The following LASP1 variants were observed in gnomAD, a reference collection of about 807,000 sequenced individuals.
LASP1 encodes LIM and SH3 protein 1.
A neutral mutation model predicts 38.6 loss-of-function variants in LASP1; 10 were observed. The observed-to-expected ratio is 0.26, with a 90% confidence interval of 0.16 to 0.44. The LOEUF is 0.44. Among genes scored for constraint, LASP1 ranks in the 20% least tolerant of loss-of-function variants. The pLI is 1.00. For synonymous variants in LASP1, 132 were observed against 140.8 expected (o/e 0.94, Z 0.44); for missense variants, 243 against 375.7 (o/e 0.65, Z 2.92).
chr17:38,872,405 TG>T (rs1913636802), intron 1 of LASP1, among the ~76,000 whole-genome samples: 1 of 152,148 alleles, frequency 6.6e-6, no homozygotes, highest in Non-Finnish European at 1.5e-5. Context: ...GACGTTCAAG[TG>T]GGGGTTGCCC....
Position 38,919,744 on chromosome 17 carries a change from C to T in LASP1, c.*966C>T, listed in dbSNP as rs897206299. The T allele has an allele frequency of 1.4e-4, 55 of 403,622 alleles. No homozygotes were observed. Among genetic ancestry groups the T allele is most frequent in the Non-Finnish European group, 2.5e-4 (52 of 210,700 alleles). 25.0% of individuals were successfully genotyped at this position (403,622 alleles called of 1,614,324 possible). On this transcript the variant is annotated 3_prime_UTR_variant, in exon 7 of 7. Transcript: ENST00000318008. ...AAGATGTCTCAGAGCCTTCCATGACCTCCCCTCCCCAGCCCAATGCCAAGT... is the reference window on the plus strand; with the variant it reads ...AAGATGTCTCAGAGCCTTCCATGACTTCCCCTCCCCAGCCCAATGCCAAGT...
intron 6 of LASP1, among the ~76,000 whole-genome samples, chr17:38,917,241 G>C (rs1240726856): frequency 6.6e-6 from 1 of 152,146 alleles, no homozygotes; most frequent in Non-Finnish European, 1.5e-5. Flanking sequence ...AGGCAGAATT[G>C]GTGATGAGAG....
chr17:38,903,228 T>G (rs1914692593), intron 4 of LASP1, among the ~76,000 whole-genome samples: 1 of 152,184 alleles, frequency 6.6e-6, no homozygotes, highest in South Asian at 2.1e-4. Context: ...AGATCCTAGC[T>G]TCTGTCATTC....
chr17:38,906,551 TA>T (rs1261189601), intron 4 of LASP1, among the ~76,000 whole-genome samples: 1 of 150,276 alleles, frequency 6.7e-6, no homozygotes, highest in African/African-American at 2.5e-5. Context: ...AATAAATAAA[TA>T]AAGTTAAAAA....
Position 38,896,600 on chromosome 17 carries a change from G to T in LASP1, c.250-1812G>T, listed in dbSNP as rs1914498610. On this transcript the variant is annotated intron_variant, in intron 3 of 6. Transcript: ENST00000318008. ...AAAGCCAGGAAGCAGGGGACGGAGT[G>T]GGGGACTGGCACTCGTTCAGCACTT... is the stretch of plus-strand genomic sequence containing the variant. Among the ~76,000 whole-genome samples, 2 of 152,242 alleles carry T rather than the reference G, an allele frequency of 1.3e-5. 1 individual carries two copies. Among genetic ancestry groups the T allele is most frequent in the East Asian group, 3.9e-4 (2 of 5,194 alleles).
intron 1 of LASP1, among the ~76,000 whole-genome samples, chr17:38,874,656 C>T (rs1357999853): frequency 6.6e-6 from 1 of 152,202 alleles, no homozygotes; most frequent in Non-Finnish European, 1.5e-5. Flanking sequence ...CCACTTGACA[C>T]TTGTGCTTCA....
intron 2 of LASP1, among the ~76,000 whole-genome samples, chr17:38,883,433 G>A (rs1039117587): frequency 1.3e-5 from 2 of 152,116 alleles, no homozygotes; most frequent in South Asian, 2.1e-4. Flanking sequence ...GGCAAACCCC[G>A]CACTGGGGCC....
chr17:38,919,116 T>C lies in LASP1; in HGVS notation c.*338T>C, dbSNP rs1915224416. ...CTCCCCTCACATCCTCCTGCCCAGC[T>C]CCTCACATACCCACACATTCCAGGG... On this transcript the variant is annotated 3_prime_UTR_variant, in exon 7 of 7. Coordinates refer to ENST00000318008, the MANE Select transcript of LASP1 (RefSeq NM_006148.4). 3 of 376,354 alleles carry C rather than the reference T, an allele frequency of 8.0e-6. No individual in the cohort carries two copies. The South Asian group carries it at 9.9e-5, about 12-fold the overall frequency. 23.3% of individuals were successfully genotyped at this position (376,354 alleles called of 1,614,324 possible). A position where few individuals can be genotyped will look rare whatever the true frequency, so the allele number is the denominator to read the frequency against.
At chr17:38,916,768 G>C (rs1162320581) in intron 6 of LASP1, 2 of 152,000 alleles carry the variant, frequency 1.3e-5, no homozygotes, top group East Asian at 3.8e-4. Context: ...GGCTGAGGCA[G>C]GAGAATTGCT....
intron 1 of LASP1, among the ~76,000 whole-genome samples, chr17:38,872,762 G>A (rs1434671416): frequency 2.6e-5 from 4 of 152,114 alleles, no homozygotes; most frequent in South Asian, 2.1e-4. Flanking sequence ...AGCCCACTAC[G>A]TGGCCCAAAG....
intron 2 of LASP1, 46 bp from the exon 3 acceptor site, chr17:38,890,374 G>C: frequency 6.4e-7 from 1 of 1,560,558 alleles, no homozygotes; most frequent in Non-Finnish European, 8.8e-7. Context: ...AGAGGCTCCT[G>C]CCCCTCCCCC....
intron 4 of LASP1, chr17:38,898,816 G>A: frequency 2.0e-6 from 1 of 496,002 alleles, no homozygotes; most frequent in Non-Finnish European, 4.0e-6. Context: ...GATATCGTGG[G>A]TATCGGTGAA....
At chr17:38,914,268 G>A in intron 4 of LASP1, 57 bp from the exon 5 acceptor site, 1 of 1,559,126 alleles carries the variant, frequency 6.4e-7, no homozygotes. Flanking sequence ...AGGGTCACGG[G>A]AAGGAACTGG....
intron 4 of LASP1, chr17:38,903,950 G>A (rs1914711444): frequency 6.6e-6 from 1 of 152,200 alleles, no homozygotes; most frequent in East Asian, 1.9e-4. Flanking sequence ...CTGGCCTTTT[G>A]TCATGAGCTC....
chr17:38,878,787 A>G (rs1175724646), intron 2 of LASP1, among the ~76,000 whole-genome samples: 1 of 152,144 alleles, frequency 6.6e-6, no homozygotes, highest in Non-Finnish European at 1.5e-5. Context: ...TGCCTGGGCC[A>G]GATAGATCTC....
intron 2 of LASP1, 97 bp from the exon 3 acceptor site, chr17:38,890,323 T>C (rs1914271235): frequency 5.2e-6 from 6 of 1,147,376 alleles, no homozygotes; most frequent in African/African-American, 1.5e-5. Flanking sequence ...TGCCCAAGCA[T>C]AGGACGAAGT....
At chr17:38,871,207 A>G (rs569040852) in intron 1 of LASP1, among the ~76,000 whole-genome samples, 65 of 152,000 alleles carry the variant, frequency 4.3e-4, no homozygotes, top group African/African-American at 9.4e-4. Context: ...TGTCTCCCCA[A>G]TGCTGGACTT....
chr17:38,912,108 T>C (rs1054768680), intron 4 of LASP1, among the ~76,000 whole-genome samples: 7 of 152,136 alleles, frequency 4.6e-5, no homozygotes, highest in Non-Finnish European at 7.4e-5. Context: ...CACCCGCCTT[T>C]CTTGTGGTGT....
chr17:38,879,161 CTTTTTTT>C (rs55952948), intron 2 of LASP1, among the ~76,000 whole-genome samples: 1 of 123,712 alleles, frequency 8.1e-6, no homozygotes, highest in South Asian at 2.7e-4. Flanking sequence ...TTTTAATTTG[CTTTTTTT>C]TTTTTTTTTG....
Sources: allele counts gnomAD v4.1 joint callset (sites outside exome capture counted in the v4.1 genomes callset), GRCh38; gene constraint gnomAD v4.1.1; transcripts MANE v1.5; gene names NCBI Gene and HGNC (gene_info 2026-07-23, HGNC 2026-07-21).